The following LRMDA variants were observed in gnomAD, a reference collection of about 807,000 sequenced individuals.
LRMDA encodes the protein leucine rich melanocyte differentiation associated, also known as leucine-rich melanocyte differentiation-associated protein.
In LRMDA, 18 loss-of-function variants were observed where a neutral mutation model predicts 29.8. That is an observed-to-expected ratio of 0.60 (90% CI 0.42 to 0.90). The LOEUF (loss-of-function observed/expected upper bound fraction) is 0.90, where lower values mean the gene tolerates loss of function less well. Ranked by LOEUF, LRMDA falls within the 40% of genes least tolerant of loss-of-function variation. The pLI, the probability that LRMDA is intolerant of heterozygous loss-of-function variation, is 0.00. For synonymous variants in LRMDA, 125 were observed against 109.4 expected, an observed-to-expected ratio of 1.14 and a Z score of -0.89; for missense variants, 273 against 273.9, an observed-to-expected ratio of 1.00 and a Z score of 0.02.
intron 2 of LRMDA, among the ~76,000 whole-genome samples, chr10:76,021,688 C>T (rs1403544406): frequency 6.6e-6 from 1 of 152,212 alleles, no homozygotes; most frequent in Non-Finnish European, 1.5e-5. Flanking sequence ...CTATAATTCA[C>T]CCTGGACTCT....
intron 2 of LRMDA, among the ~76,000 whole-genome samples, chr10:75,632,796 T>TG (rs1408126166): frequency 7.1e-6 from 1 of 141,514 alleles, no homozygotes; most frequent in Non-Finnish European, 1.5e-5. Context: ...TTTTTTTTTT[T>TG]TTTTTTTTTT....
At chr10:75,936,171 C>T (rs576240620) in intron 2 of LRMDA, among the ~76,000 whole-genome samples, 1 of 152,126 alleles carries the variant, frequency 6.6e-6, no homozygotes, top group Non-Finnish European at 1.5e-5. Flanking sequence ...ATAAGAGAGG[C>T]ACAATCCAGG....
intron 5 of LRMDA, among the ~76,000 whole-genome samples, chr10:76,077,074 C>A (rs1158099133): frequency 6.6e-6 from 1 of 152,092 alleles, no homozygotes; most frequent in East Asian, 1.9e-4. Context: ...ACCACCAGTT[C>A]TTGGTTTTAT....
At chr10:75,532,372 A>G (rs1244248846) in intron 2 of LRMDA, among the ~76,000 whole-genome samples, 6 of 152,028 alleles carry the variant, frequency 3.9e-5, no homozygotes, top group South Asian at 2.1e-4. Context: ...GCTGCTTGCT[A>G]TCTTTGAGCA....
At chr10:76,470,702 G>T (rs1387767945) in intron 6 of LRMDA, among the ~76,000 whole-genome samples, 1 of 151,990 alleles carries the variant, frequency 6.6e-6, no homozygotes, top group Non-Finnish European at 1.5e-5. Flanking sequence ...AATACATAGA[G>T]ACAGAAAGCA....
chr10:76,185,038 G>C (rs1340673410), intron 5 of LRMDA, among the ~76,000 whole-genome samples: 1 of 152,188 alleles, frequency 6.6e-6, no homozygotes, highest in Non-Finnish European at 1.5e-5. Flanking sequence ...GTCATGGTAA[G>C]ATAATGGATT....
chr10:75,670,926 C>A (rs138078885), intron 2 of LRMDA, among the ~76,000 whole-genome samples: 3 of 152,194 alleles, frequency 2.0e-5, no homozygotes, highest in African/African-American at 7.2e-5. Context: ...AGCAAGTTCC[C>A]AGTCTGCACG....
At chr10:76,145,007 A>G (rs904395089) in intron 5 of LRMDA, among the ~76,000 whole-genome samples, 6 of 152,148 alleles carry the variant, frequency 3.9e-5, no homozygotes, top group African/African-American at 1.2e-4. Flanking sequence ...ATTGATTTGC[A>G]TATGTTGAAC....
At chr10:76,001,068 T>A (rs1008992522) in intron 2 of LRMDA, among the ~76,000 whole-genome samples, 1 of 152,164 alleles carries the variant, frequency 6.6e-6, no homozygotes, top group Non-Finnish European at 1.5e-5. Flanking sequence ...CCAGGTTTCT[T>A]GATTCCTGAT....
At chr10:76,323,391 C>G (rs192525590) in intron 5 of LRMDA, among the ~76,000 whole-genome samples, 1 of 152,168 alleles carries the variant, frequency 6.6e-6, no homozygotes, top group East Asian at 1.9e-4. Flanking sequence ...AATGTATTTC[C>G]CGCTCCGGAA....
chr10:76,240,816 GTATATATATACACATACATATATA>G (rs376890815), intron 5 of LRMDA, among the ~76,000 whole-genome samples: 88,621 of 142,886 alleles, frequency 0.62, 26,544 homozygotes, highest in Middle Eastern at 0.67. Context: ...ACATATATAT[GTATATATATACACATACATATATA>G]TGTGTGTATA....
chr10:75,758,693 T>A (rs531326037), intron 2 of LRMDA, among the ~76,000 whole-genome samples: 1 of 152,328 alleles, frequency 6.6e-6, no homozygotes, highest in African/African-American at 2.4e-5. Flanking sequence ...AGTAAATCAG[T>A]GCTAGATAAA....
chr10:75,460,132 A>G (rs139023835), intron 2 of LRMDA, among the ~76,000 whole-genome samples: 2 of 152,334 alleles, frequency 1.3e-5, no homozygotes, highest in East Asian at 1.9e-4. Context: ...TCAGTTAAGT[A>G]TTTGCAAATA....
At chr10:76,310,461 G>A (rs1405281177) in intron 5 of LRMDA, among the ~76,000 whole-genome samples, 1 of 144,434 alleles carries the variant, frequency 6.9e-6, no homozygotes, top group Non-Finnish European at 1.6e-5. Flanking sequence ...CTCTTCTCCT[G>A]TTGCATAAGT....
At chr10:75,740,671 T>G (rs572510097) in intron 2 of LRMDA, among the ~76,000 whole-genome samples, 29 of 152,280 alleles carry the variant, frequency 1.9e-4, no homozygotes, top group African/African-American at 6.7e-4. Context: ...TCTTCAAATA[T>G]CAGGCTCATG....
intron 6 of LRMDA, among the ~76,000 whole-genome samples, chr10:76,365,081 CACACATATATAT>C (rs1564521413): frequency 5.4e-5 from 1 of 18,654 alleles, no homozygotes; most frequent in African/African-American, 2.0e-4. Flanking sequence ...TACACACACA[CACACATATATAT>C]ATATATATAT....
intron 2 of LRMDA, among the ~76,000 whole-genome samples, chr10:75,992,572 G>T (rs1847390116): frequency 6.6e-6 from 1 of 152,164 alleles, no homozygotes; most frequent in African/African-American, 2.4e-5. Context: ...ATGCTGTTTT[G>T]CTAACGGGCA....
intron 5 of LRMDA, among the ~76,000 whole-genome samples, chr10:76,099,780 A>T (rs1051455797): frequency 3.6e-4 from 55 of 152,220 alleles, no homozygotes; most frequent in Non-Finnish European, 6.9e-4. Flanking sequence ...AATAATAATA[A>T]TTTTGTGTTG....
intron 5 of LRMDA, among the ~76,000 whole-genome samples, chr10:76,299,058 T>C (rs1840446695): frequency 6.6e-6 from 1 of 152,138 alleles, no homozygotes; most frequent in Non-Finnish European, 1.5e-5. Context: ...AATTAGAAAT[T>C]AGTTGCTTTC....
Sources: gnomAD v4.1 joint callset for allele counts (sites outside exome capture counted in the v4.1 genomes callset) on GRCh38, gnomAD v4.1.1 for gene constraint, MANE v1.5 for transcripts, NCBI Gene and HGNC (gene_info 2026-07-23, HGNC 2026-07-21) for gene names.